Variants in DIAPH2 observed in about 807,000 individuals in gnomAD.
DIAPH2 encodes the protein protein diaphanous homolog 2.
Under a neutral mutation model 92.7 loss-of-function variants are expected in DIAPH2, and 35 were observed. The ratio of observed to expected loss-of-function variants is 0.38; its 90% confidence interval spans 0.29 to 0.50. The LOEUF is 0.50. Ranked by LOEUF, DIAPH2 falls within the 20% of genes least tolerant of loss-of-function variation. The probability of loss-of-function intolerance (pLI) is 0.94; values close to 1 mark genes in which losing one functional copy is unlikely to be tolerated. For missense variants in DIAPH2, 701 were observed against 819.5 expected (o/e 0.86, Z 1.77); for synonymous variants, 301 against 280.4 (o/e 1.07, Z -0.73).
chrX:96,908,955 G>C (rs185760031), intron 5 of DIAPH2, among the ~76,000 whole-genome samples: 1 of 111,792 alleles, frequency 8.9e-6, no homozygotes, highest in African/African-American at 3.2e-5. Context: ...GTATGGTTGG[G>C]AGGGCATGTA....
At chrX:97,281,064 A>G (rs1388669236) in intron 23 of DIAPH2, among the ~76,000 whole-genome samples, 3 of 112,301 alleles carry the variant, frequency 2.7e-5, no homozygotes, top group Non-Finnish European at 3.8e-5. Context: ...TACTTTTTGC[A>G]TCATGATACG....
intron 4 of DIAPH2, among the ~76,000 whole-genome samples, chrX:96,802,072 G>A (rs897757828): frequency 4.5e-5 from 5 of 111,995 alleles, no homozygotes; most frequent in Non-Finnish European, 9.4e-5. Flanking sequence ...ACTTGGAACA[G>A]TACAGTTTAT....
chrX:97,169,990 T>G, intron 22 of DIAPH2, among the ~76,000 whole-genome samples: 1 of 112,276 alleles, frequency 8.9e-6, no homozygotes, highest in East Asian at 2.8e-4. Context: ...TTTTTGTTAT[T>G]TTTTGACATG....
At chrX:97,247,922 T>TCTG in intron 23 of DIAPH2, 83 bp downstream of exon 23, 1 of 867,041 alleles carries the variant, frequency 1.2e-6, no homozygotes, top group Non-Finnish European at 1.6e-6. Flanking sequence ...TAGTTCTAGA[T>TCTG]TTACTAGTCT....
rs891665355 is a variant in DIAPH2, at chrX:96,776,784, T to A, written c.447+18526T>A. ...TATGATGTAAACCAACTATGCAATT[T>A]AAAGCAAATCATTTTTCAAGTTTGC... On this transcript the variant is annotated intron_variant, in intron 4 of 26. Transcript: ENST00000324765. Among the ~76,000 whole-genome samples, 14 of 111,109 alleles carry A rather than the reference T, an allele frequency of 1.3e-4. No homozygotes were observed. In the East Asian group the frequency reaches 3.6e-3, roughly 29 times the overall value.
At chrX:97,110,571 G>C (rs1431547285) in intron 20 of DIAPH2, among the ~76,000 whole-genome samples, 1 of 111,572 alleles carries the variant, frequency 9.0e-6, no homozygotes, top group Non-Finnish European at 1.9e-5. Context: ...AATTCTGCAG[G>C]TTAAAATATT....
chrX:96,918,240 T>C (rs762356443), intron 8 of DIAPH2, among the ~76,000 whole-genome samples: 1 of 111,402 alleles, frequency 9.0e-6, no homozygotes, highest in African/African-American at 3.2e-5. Context: ...CCTAAGAGTG[T>C]ATGTAGACTT....
At chrX:97,047,542 C>CTTTTTTTTTTTT (rs5903064) in intron 17 of DIAPH2, among the ~76,000 whole-genome samples, 3 of 30,109 alleles carry the variant, frequency 1.0e-4, no homozygotes, top group African/African-American at 3.1e-4. Flanking sequence ...ATAAAATAGG[C>CTTTTTTTTTTTT]TTTTTTTTTT....
At chrX:96,893,786 C>A (rs1371946169) in intron 5 of DIAPH2, among the ~76,000 whole-genome samples, 1 of 112,041 alleles carries the variant, frequency 8.9e-6, no homozygotes, top group Non-Finnish European at 1.9e-5. Flanking sequence ...TGACAACTCA[C>A]AATTAAGATG....
At chrX:97,282,037 A>G (rs2068501965) in intron 23 of DIAPH2, among the ~76,000 whole-genome samples, 2 of 111,175 alleles carry the variant, frequency 1.8e-5, no homozygotes, top group Non-Finnish European at 3.8e-5. Context: ...AAAAAAAGAA[A>G]AAAAAAGCAT....
chrX:97,006,700 G>C (rs774414694), intron 17 of DIAPH2, among the ~76,000 whole-genome samples: 1 of 112,004 alleles, frequency 8.9e-6, no homozygotes, highest in Non-Finnish European at 1.9e-5. Context: ...ATAAAAGCAA[G>C]AGCTTTTTTT....
intron 23 of DIAPH2, among the ~76,000 whole-genome samples, chrX:97,319,100 A>T (rs370294065): frequency 1.2e-3 from 132 of 111,905 alleles, no homozygotes; most frequent in African/African-American, 3.9e-3. Flanking sequence ...AATATTTTCC[A>T]TTCATAATTT....
At chrX:97,402,378 C>T (rs2069766801) in intron 25 of DIAPH2, among the ~76,000 whole-genome samples, 1 of 111,578 alleles carries the variant, frequency 9.0e-6, no homozygotes. Context: ...AACACATCTA[C>T]TGAAGAGCAC....
intron 24 of DIAPH2, among the ~76,000 whole-genome samples, chrX:97,365,164 A>T (rs1366428175): frequency 9.0e-6 from 1 of 111,210 alleles, no homozygotes; most frequent in Non-Finnish European, 1.9e-5. Flanking sequence ...TCCCCATCAG[A>T]ATCTTACCAA....
intron 22 of DIAPH2, among the ~76,000 whole-genome samples, chrX:97,186,714 A>G (rs2067607342): frequency 8.9e-6 from 1 of 112,129 alleles, no homozygotes; most frequent in Non-Finnish European, 1.9e-5. Context: ...GGGAAGGTAT[A>G]AGAAATCTAA....
rs775064908 is a variant in DIAPH2 at position 97,434,600 on chromosome X, C to T, written c.3241+4855C>T. Reference sequence around the variant, plus strand: ...ATTTTTTTTTAATTTTTAGTAGAGACGAGGTTTCATCATATTGGCCAGGAT... The same window carrying T: ...ATTTTTTTTTAATTTTTAGTAGAGATGAGGTTTCATCATATTGGCCAGGAT... On this transcript the variant is annotated intron_variant, in intron 26 of 26. Coordinates refer to ENST00000324765, the MANE Select transcript of DIAPH2 (RefSeq NM_006729.5). Among the ~76,000 whole-genome samples the T allele has an allele frequency of 7.4e-5, 8 of 108,774 alleles. No individual in the cohort carries two copies. The East Asian group carries it at 1.5e-3, about 20-fold the overall frequency. 94.5% of individuals were successfully genotyped at this position (108,774 alleles called of 115,157 possible). A position where few individuals can be genotyped will look rare whatever the true frequency, so the allele number is the denominator to read the frequency against.
At position 97,293,312 on chromosome X, in the gene DIAPH2, A is replaced by G. The variant is rs149545212; in HGVS notation, c.2844+45473A>G. ...TGTCGCCAGTCTGGAGTGCAGTGGC[A>G]CAATATCTTGGCTCACTGCAACCTC... On this transcript the variant is annotated intron_variant, in intron 23 of 26. Transcript: ENST00000324765. Among the ~76,000 whole-genome samples, 1,239 of 92,259 alleles carry G rather than the reference A, an allele frequency of 0.013. 88 individuals carry two copies. In the Admixed American group the frequency reaches 0.15, roughly 11 times the overall value. 80.1% of individuals were successfully genotyped at this position (92,259 alleles called of 115,157 possible).
chrX:97,219,787 A>G (rs140313478), intron 22 of DIAPH2, among the ~76,000 whole-genome samples: 1,873 of 112,016 alleles, frequency 0.017, 40 homozygotes, highest in African/African-American at 0.058. Context: ...TTTTCCCAAG[A>G]TAGACTTTTC....
intron 26 of DIAPH2, among the ~76,000 whole-genome samples, chrX:97,530,908 G>A (rs1472748814): frequency 9.0e-6 from 1 of 111,256 alleles, no homozygotes; most frequent in African/African-American, 3.3e-5. Context: ...GAGGTCCTTT[G>A]GATATAGTAA....
Sources: allele counts gnomAD v4.1 joint callset (sites outside exome capture counted in the v4.1 genomes callset), GRCh38; gene constraint gnomAD v4.1.1; transcripts MANE v1.5; gene names NCBI Gene and HGNC (gene_info 2026-07-23, HGNC 2026-07-21).